The following COG5 variants were observed in gnomAD, a reference collection of about 807,000 sequenced individuals.
COG5 encodes the protein conserved oligomeric Golgi complex subunit 5.
Under a neutral mutation model 110.4 loss-of-function variants are expected in COG5, and 86 were observed. That is an observed-to-expected ratio of 0.78 (90% CI 0.65 to 0.93). COG5 has a LOEUF of 0.93. Among genes scored for constraint, COG5 ranks in the 40% least tolerant of loss-of-function variants. The pLI is 0.00. For missense variants in COG5, 1,077 were observed against 987.0 expected (o/e 1.09, Z -1.22); for synonymous variants, 360 against 334.6 (o/e 1.08, Z -0.83).
At chr7:107,522,640 T>TAAAAAA (rs911700675) in intron 6 of COG5, among the ~76,000 whole-genome samples, 1 of 151,932 alleles carries the variant, frequency 6.6e-6, no homozygotes, top group Non-Finnish European at 1.5e-5. Context: ...AAAATAAAAA[T>TAAAAAA]AAAAAAATCT....
chr7:107,559,696 G>C (rs10228531), intron 1 of COG5, among the ~76,000 whole-genome samples: 1 of 152,184 alleles, frequency 6.6e-6, no homozygotes. Context: ...CTGCTTTTAA[G>C]TCTGAGAACC....
intron 8 of COG5, among the ~76,000 whole-genome samples, chr7:107,364,043 A>G (rs1813373037): frequency 6.6e-6 from 1 of 152,208 alleles, no homozygotes; most frequent in Non-Finnish European, 1.5e-5. Flanking sequence ...CAAAGATAAG[A>G]GCATAGTATT....
In COG5 at chr7:107,236,585, A is replaced by G. The variant is rs1358993369; in HGVS notation, c.1956T>C (p.Phe652=). 7.4e-6 allele frequency: 12 copies of G among 1,614,104 alleles called. No homozygotes were observed. In the African/African-American group the frequency reaches 8.0e-5, roughly 11 times the overall value. The change falls in exon 18 of 22, where the codon TTT becomes TTC. Residue 652 remains phenylalanine, a synonymous_variant. Transcript: ENST00000297135. Reference sequence around the variant, plus strand: ...TGTCAAAGACAAAATCCAAGCATTCAAAGTGTTTAAAATAGTCACTCATAA... The same window carrying G: ...TGTCAAAGACAAAATCCAAGCATTCGAAGTGTTTAAAATAGTCACTCATAA... ...ARVMSDYFKH[F]ECLDFVFDNT...
At chr7:107,323,888 C>T (rs934914665) in intron 11 of COG5, among the ~76,000 whole-genome samples, 3 of 152,096 alleles carry the variant, frequency 2.0e-5, no homozygotes, top group African/African-American at 7.2e-5. Flanking sequence ...AAGATATTAG[C>T]TGGTTTGCAT....
At chr7:107,391,102 AG>A (rs34156592) in intron 7 of COG5, among the ~76,000 whole-genome samples, 1 of 151,800 alleles carries the variant, frequency 6.6e-6, no homozygotes, top group African/African-American at 2.4e-5. Context: ...TGGTGGGAGG[AG>A]GGGGGAGGGT....
chr7:107,453,364 G>A (rs924769598), intron 6 of COG5, among the ~76,000 whole-genome samples: 1 of 152,078 alleles, frequency 6.6e-6, no homozygotes, highest in Non-Finnish European at 1.5e-5. Context: ...GAGAATCTGA[G>A]GAATATATAG....
intron 6 of COG5, among the ~76,000 whole-genome samples, chr7:107,477,202 C>G (rs1409037349): frequency 6.6e-6 from 1 of 151,432 alleles, no homozygotes; most frequent in African/African-American, 2.4e-5. Context: ...TTATTTTTTA[C>G]CCCAGGAAAT....
chr7:107,556,546 T>C (rs1259276711), intron 2 of COG5, among the ~76,000 whole-genome samples: 1 of 152,130 alleles, frequency 6.6e-6, no homozygotes, highest in East Asian at 1.9e-4. Context: ...AGGTGGTTCT[T>C]GCAAAAAGCC....
chr7:107,501,856 A>G (rs1798655604), intron 6 of COG5, among the ~76,000 whole-genome samples: 1 of 152,236 alleles, frequency 6.6e-6, no homozygotes, highest in African/African-American at 2.4e-5. Flanking sequence ...TACAAACAGA[A>G]AATCTTTATA....
intron 7 of COG5, among the ~76,000 whole-genome samples, chr7:107,375,958 T>C (rs1814604297): frequency 6.6e-6 from 1 of 152,080 alleles, no homozygotes; most frequent in South Asian, 2.1e-4. Flanking sequence ...TTATCTTTCA[T>C]GCTCAGAAAT....
chr7:107,506,588 C>CCACCCAGCT (rs1799025910), intron 6 of COG5, among the ~76,000 whole-genome samples: 1 of 152,160 alleles, frequency 6.6e-6, no homozygotes, highest in African/African-American at 2.4e-5. Flanking sequence ...ATAGTAAACC[C>CCACCCAGCT]CACCCAGCTC....
At chr7:107,504,450 G>A (rs533093679) in intron 6 of COG5, among the ~76,000 whole-genome samples, 3 of 152,242 alleles carry the variant, frequency 2.0e-5, no homozygotes, top group East Asian at 1.9e-4. Context: ...ATATTGCTCT[G>A]TAGTTTTCTT....
At chr7:107,282,303 T>A (rs1411576931) in intron 13 of COG5, among the ~76,000 whole-genome samples, 2 of 152,160 alleles carry the variant, frequency 1.3e-5, no homozygotes, top group African/African-American at 4.8e-5. Context: ...TAGATTATAT[T>A]TGATTATAGC....
At chr7:107,280,294 A>G (rs1026070283) in intron 14 of COG5, among the ~76,000 whole-genome samples, 2 of 152,090 alleles carry the variant, frequency 1.3e-5, no homozygotes, top group Non-Finnish European at 2.9e-5. Context: ...CAATTGAATG[A>G]AAATAGTACC....
At chr7:107,268,474 C>T (rs936362438) in intron 14 of COG5, among the ~76,000 whole-genome samples, 3 of 152,132 alleles carry the variant, frequency 2.0e-5, no homozygotes, top group African/African-American at 4.8e-5. Context: ...GCACTATATT[C>T]GTCATTCTAT....
At chr7:107,333,211 C>T (rs1450171297) in intron 10 of COG5, among the ~76,000 whole-genome samples, 1 of 152,142 alleles carries the variant, frequency 6.6e-6, no homozygotes, top group Non-Finnish European at 1.5e-5. Flanking sequence ...AGTTCTTAAT[C>T]ATTTTCTGGA....
intron 6 of COG5, among the ~76,000 whole-genome samples, chr7:107,508,285 G>A (rs540412755): frequency 1.1e-4 from 16 of 152,364 alleles, no homozygotes; most frequent in East Asian, 3.9e-4. Flanking sequence ...CTGATTGCTA[G>A]CACAGCAGTC....
intron 12 of COG5, among the ~76,000 whole-genome samples, chr7:107,297,270 G>C (rs1284298310): frequency 6.6e-6 from 1 of 151,954 alleles, no homozygotes; most frequent in Non-Finnish European, 1.5e-5. Context: ...AAGCAATATA[G>C]TATAATAACT....
At chr7:107,372,562 A>C in intron 8 of COG5, 33 bp downstream of exon 8, 1 of 1,607,452 alleles carries the variant, frequency 6.2e-7, no homozygotes, top group South Asian at 1.1e-5. Flanking sequence ...GTTATAAATA[A>C]ATAAAGAAGC....
Sources: gnomAD v4.1 joint callset for allele counts (sites outside exome capture counted in the v4.1 genomes callset) on GRCh38, gnomAD v4.1.1 for gene constraint, MANE v1.5 for transcripts, NCBI Gene and HGNC (gene_info 2026-07-23, HGNC 2026-07-21) for gene names.